Variants in SNX29 observed in about 807,000 individuals in gnomAD.
SNX29 encodes the protein sorting nexin-29.
SNX29 carries 78 observed loss-of-function variants against 102.1 expected under a neutral mutation model. The ratio of observed to expected loss-of-function variants is 0.76; its 90% CI spans 0.64 to 0.92. SNX29 has a LOEUF of 0.92. Ranked by LOEUF, SNX29 falls within the 40% of genes least tolerant of loss-of-function variation. The pLI, the probability that SNX29 is intolerant of heterozygous loss-of-function variation, is 0.00. For missense variants in SNX29, 1,280 were observed against 1,061.7 expected (o/e 1.21, Z -2.86); for synonymous variants, 580 against 414.5 (o/e 1.40, Z -4.85).
intron 18 of SNX29, among the ~76,000 whole-genome samples, chr16:12,476,969 T>G (rs2087683810): frequency 6.6e-6 from 1 of 152,148 alleles, no homozygotes; most frequent in African/African-American, 2.4e-5. Flanking sequence ...TGTTCTTAAC[T>G]CATGTAATTT....
intron 12 of SNX29, 39 bp from the exon 13 acceptor site, chr16:12,129,591 G>A (rs1170591950): frequency 1.3e-6 from 2 of 1,579,384 alleles, no homozygotes; most frequent in East Asian, 4.5e-5. Context: ...TGGGGTCTGG[G>A]TTGACAGCTT....
intron 4 of SNX29, among the ~76,000 whole-genome samples, chr16:12,037,393 C>G (rs2057506107): frequency 6.6e-6 from 1 of 152,078 alleles, no homozygotes; most frequent in Non-Finnish European, 1.5e-5. Context: ...ACCCTGTGGT[C>G]CAGGGCTGAG....
At chr16:12,540,614 G>A (rs1302421125) in intron 20 of SNX29, among the ~76,000 whole-genome samples, 2 of 152,162 alleles carry the variant, frequency 1.3e-5, no homozygotes, top group Non-Finnish European at 2.9e-5. Flanking sequence ...TCCATGGGGT[G>A]GACCTAAAGA....
intron 11 of SNX29, chr16:12,081,404 A>G (rs1483125128): frequency 3.9e-5 from 6 of 152,178 alleles, no homozygotes; most frequent in African/African-American, 1.4e-4. Context: ...TAGGGATTGA[A>G]ACCAAACAGC....
chr16:12,372,097 T>C (rs1322186297), intron 16 of SNX29, among the ~76,000 whole-genome samples: 2 of 152,250 alleles, frequency 1.3e-5, no homozygotes, highest in Non-Finnish European at 2.9e-5. Flanking sequence ...GTATATACCC[T>C]TCCAGGTATT....
intron 13 of SNX29, among the ~76,000 whole-genome samples, chr16:12,176,567 G>A (rs1049785888): frequency 6.6e-6 from 1 of 152,146 alleles, no homozygotes; most frequent in South Asian, 2.1e-4. Context: ...TATTTATATA[G>A]CATTTGCATT....
rs181264078 is a variant in SNX29 at position 12,440,270 on chromosome 16, C to T, written c.2037+36741C>T. On this transcript the variant is annotated intron_variant, in intron 18 of 20. Transcript: ENST00000566228. ...ATAAAACTCACCTTTTCAAAGTGTA[C>T]GATTCAGTCACTTTTTAGGATATTC... 1.2e-3 allele frequency among the ~76,000 whole-genome samples: 183 copies of T among 152,178 alleles called. 1 individual carries two copies. Among genetic ancestry groups the T allele is most frequent in the East Asian group, 3.9e-4 (2 of 5,172 alleles).
intron 18 of SNX29, among the ~76,000 whole-genome samples, chr16:12,441,846 T>C (rs2085821728): frequency 6.6e-6 from 1 of 152,202 alleles, no homozygotes; most frequent in Admixed American, 6.5e-5. Flanking sequence ...TGGCGTGCAG[T>C]GGCGTGATCT....
intron 13 of SNX29, among the ~76,000 whole-genome samples, chr16:12,157,951 C>G (rs755792951): frequency 6.6e-6 from 1 of 152,190 alleles, no homozygotes; most frequent in Non-Finnish European, 1.5e-5. Flanking sequence ...AGTGCTTCAT[C>G]CTTTGTGTTT....
chr16:12,528,015 T>C (rs1287155433), intron 20 of SNX29, among the ~76,000 whole-genome samples: 5 of 151,208 alleles, frequency 3.3e-5, no homozygotes, highest in Non-Finnish European at 7.4e-5. Flanking sequence ...TTAGTAGAGA[T>C]GGGGTTTCAC....
At chr16:12,301,406 C>G (rs551618707) in intron 15 of SNX29, among the ~76,000 whole-genome samples, 1 of 152,320 alleles carries the variant, frequency 6.6e-6, no homozygotes, top group African/African-American at 2.4e-5. Context: ...ACTCCACCCT[C>G]CAGGGTCTTG....
intron 11 of SNX29, among the ~76,000 whole-genome samples, chr16:12,124,116 G>C (rs1165048070): frequency 6.6e-6 from 1 of 152,182 alleles, no homozygotes; most frequent in African/African-American, 2.4e-5. Flanking sequence ...CCAGCACTTT[G>C]GGAGGCCGAG....
intron 20 of SNX29, among the ~76,000 whole-genome samples, chr16:12,535,615 C>T (rs1415875779): frequency 6.8e-6 from 1 of 147,086 alleles, no homozygotes; most frequent in Non-Finnish European, 1.5e-5. Flanking sequence ...TTGTCACTGT[C>T]AGTCACACCA....
chr16:12,124,367 A>AC (rs1276649147), intron 11 of SNX29, among the ~76,000 whole-genome samples: 19 of 151,752 alleles, frequency 1.3e-4, no homozygotes, highest in African/African-American at 3.9e-4. Context: ...AAAAAAAAAA[A>AC]AAACTGATAT....
chr16:12,023,834 C>T (rs1469505146), intron 3 of SNX29, among the ~76,000 whole-genome samples: 1 of 152,146 alleles, frequency 6.6e-6, no homozygotes, highest in Admixed American at 6.6e-5. Context: ...ACTTGATTCA[C>T]TAGTTTTAAC....
At chr16:12,196,204 A>G (rs1393134835) in intron 13 of SNX29, among the ~76,000 whole-genome samples, 2 of 151,896 alleles carry the variant, frequency 1.3e-5, no homozygotes, top group African/African-American at 4.8e-5. Flanking sequence ...TCCTGGGCTC[A>G]AGTAATTGGC....
intron 13 of SNX29, among the ~76,000 whole-genome samples, chr16:12,181,924 C>T (rs1036550454): frequency 1.3e-5 from 2 of 151,274 alleles, no homozygotes; most frequent in African/African-American, 4.9e-5. Flanking sequence ...CACTCTGTCA[C>T]GCAGGCTGAA....
chr16:12,048,317 G>A, intron 6 of SNX29, 55 bp from the exon 7 acceptor site: 1 of 1,612,876 alleles, frequency 6.2e-7, no homozygotes, highest in South Asian at 1.1e-5. Flanking sequence ...TTCTCTTGTT[G>A]CTGGTATGAC....
chr16:12,136,169 G>A (rs1302267426), intron 13 of SNX29, among the ~76,000 whole-genome samples: 1 of 152,188 alleles, frequency 6.6e-6, no homozygotes, highest in Non-Finnish European at 1.5e-5. Context: ...GGTATGGCCG[G>A]GGCCATTCTC....
Sources: allele counts gnomAD v4.1 joint callset (sites outside exome capture counted in the v4.1 genomes callset), GRCh38; gene constraint gnomAD v4.1.1; transcripts MANE v1.5; gene names NCBI Gene and HGNC (gene_info 2026-07-23, HGNC 2026-07-21).